Variants in ZNF19 observed in about 807,000 individuals in gnomAD.
The protein encoded by ZNF19 is zinc finger protein 19 (KOX 12).
A neutral mutation model predicts 13.1 loss-of-function variants in ZNF19; 11 were observed. The observed-to-expected ratio is 0.84, with a 90% CI of 0.53 to 1.39. ZNF19 has a LOEUF of 1.39. ZNF19 is among the 40% of genes most tolerant of loss of function. The pLI, the probability that ZNF19 is intolerant of heterozygous loss-of-function variation, is 0.00. For missense variants in ZNF19, 560 were observed against 547.0 expected (o/e 1.02, Z -0.24); for synonymous variants, 186 against 187.0 (o/e 0.99, Z 0.04).
At chr16:71,476,351 G>A (rs1482443376) in intron 5 of ZNF19, 79 bp from the exon 6 acceptor site, 16 of 1,426,906 alleles carry the variant, frequency 1.1e-5, no homozygotes, top group Admixed American at 2.5e-5. Context: ...AAATGATAAG[G>A]CTTTAAAAGA....
At chr16:71,482,341 G>A (rs1297263224) in intron 2 of ZNF19, 198 bp from the exon 3 acceptor site, 1 of 566,854 alleles carries the variant, frequency 1.8e-6, no homozygotes, top group African/African-American at 1.9e-5. Context: ...GAAAGAATAA[G>A]TAACTTGTCC....
chr16:71,484,954 T>C (rs1435369101), intron 1 of ZNF19, among the ~76,000 whole-genome samples: 1 of 152,200 alleles, frequency 6.6e-6, no homozygotes, highest in African/African-American at 2.4e-5. Context: ...AAATTGTCCT[T>C]GTTGTTATCG....
intron 5 of ZNF19, 51 bp downstream of exon 5, chr16:71,478,177 C>T (rs906166246): frequency 1.6e-6 from 2 of 1,215,688 alleles, no homozygotes; most frequent in Non-Finnish European, 2.4e-6. Flanking sequence ...TTTTAAAATA[C>T]AGTGCTCCAT....
At position 71,482,157 on chromosome 16, in the gene ZNF19, CAGAG is replaced by C. The variant is rs756903792; in HGVS notation, c.-29-18_-29-15del. ...AGCAGGCAAAGGCTGAGGGAAGAAACAGAGAGAACCAACAGTGAGCTCAGCCCAG... is the reference window on the plus strand; with the variant it reads ...AGCAGGCAAAGGCTGAGGGAAGAAACAGAACCAACAGTGAGCTCAGCCCAG... On this transcript the variant is annotated splice_polypyrimidine_tract_variant and intron_variant, in intron 2 of 5. Transcript: ENST00000288177. The C allele has an allele frequency of 2.5e-6, 4 of 1,612,940 alleles. No individual in the cohort carries two copies. Among genetic ancestry groups the C allele is most frequent in the Non-Finnish European group, 3.4e-6 (4 of 1,179,512 alleles).
chr16:71,476,428 C>T (rs532065953), intron 5 of ZNF19, among the ~76,000 whole-genome samples, 156 bp from the exon 6 acceptor site: 36 of 152,334 alleles, frequency 2.4e-4, no homozygotes, highest in African/African-American at 7.9e-4. Context: ...TGCCAAATAT[C>T]ACACAGGCAG....
In ZNF19 at chr16:71,478,916, A is replaced by ACTT. The variant is rs759636502; in HGVS notation, c.120_122dup (p.Arg40dup). ...GGTTCCCAAAATTCTCCAACATCAC[A>ACTT]CTTCTGTACAGGGCCCTCTGGGCAG... On this transcript the variant is annotated inframe_insertion, in exon 4 of 6. Coordinates refer to ENST00000288177, the MANE Select transcript of ZNF19 (RefSeq NM_006961.4). 2 of 1,614,104 alleles carry ACTT rather than the reference A, an allele frequency of 1.2e-6. No homozygotes were observed. Among genetic ancestry groups the ACTT allele is most frequent in the East Asian group, 2.2e-5 (1 of 44,886 alleles).
chr16:71,476,349 AG>A (rs1202620404), intron 5 of ZNF19, 77 bp from the exon 6 acceptor site: 3 of 1,429,240 alleles, frequency 2.1e-6, no homozygotes, highest in Non-Finnish European at 1.9e-6. Flanking sequence ...GAAAATGATA[AG>A]GCTTTAAAAG....
chr16:71,484,440 C>G, intron 2 of ZNF19, 149 bp downstream of exon 2: 2 of 889,100 alleles, frequency 2.2e-6, no homozygotes, highest in South Asian at 5.2e-5. Context: ...AGACCGGGAC[C>G]GGCCCGCGAG....
chr16:71,489,254 G>A lies in ZNF19; in HGVS notation c.-190+18C>T. On this transcript the variant is annotated intron_variant, in intron 1 of 5. Coordinates refer to ENST00000288177, the MANE Select transcript of ZNF19 (RefSeq NM_006961.4). The stretch of plus-strand genomic sequence containing the variant: ...CAACCCAAGCTCCGCCCAACTGTGG[G>A]TCCTTGCACTTTGGCACCTTTGAGC... 1 of 985,602 alleles carries A rather than the reference G, an allele frequency of 1.0e-6. No homozygotes were observed. The allele number at this position is 985,602 out of a possible 1,614,324, so 61.1% of individuals were successfully genotyped here.
chr16:71,476,116 A>G lies in ZNF19; in HGVS notation c.431T>C (p.Val144Ala). Residue 144 changes from valine (V) to alanine (A), a missense_variant, in exon 6 of 6, where the codon GTG becomes GCG. Val to Ala is a moderately conservative substitution (Grantham distance 64). Coordinates refer to ENST00000288177, the MANE Select transcript of ZNF19 (RefSeq NM_006961.4). ...NVEKHQDIPT[V>A]KNIQGKVPRI... Reference sequence around the variant, plus strand: ...TGGAACCTTTCCTTGGATATTTTTCACTGTGGGGATGTCCTGGTGCTTTTC... The same window carrying G: ...TGGAACCTTTCCTTGGATATTTTTCGCTGTGGGGATGTCCTGGTGCTTTTC... The G allele has an allele frequency of 6.2e-7, 1 of 1,614,170 alleles. No homozygotes were observed. Among genetic ancestry groups the G allele is most frequent in the Non-Finnish European group, 8.5e-7 (1 of 1,180,026 alleles).
intron 5 of ZNF19, among the ~76,000 whole-genome samples, chr16:71,477,203 A>T (rs2043608310): frequency 6.6e-6 from 1 of 152,208 alleles, no homozygotes. Flanking sequence ...GAGTTAAAGG[A>T]GTAAGGGAAC....
At chr16:71,478,694 C>T (rs186373336) in intron 4 of ZNF19, 185 bp downstream of exon 4, 7 of 804,436 alleles carry the variant, frequency 8.7e-6, no homozygotes, top group African/African-American at 1.7e-5. Flanking sequence ...ACCAAAGTGA[C>T]CCAAGACCTC....
At chr16:71,485,265 C>T (rs542742902) in intron 1 of ZNF19, among the ~76,000 whole-genome samples, 2 of 152,022 alleles carry the variant, frequency 1.3e-5, no homozygotes, top group African/African-American at 4.8e-5. Context: ...GCCTGGTCAA[C>T]GTGGTGAAAC....
In ZNF19 at chr16:71,475,795, CCA is replaced by C; in HGVS notation, c.750_751del (p.Cys250TrpfsTer3). On this transcript the variant is annotated frameshift_variant, in exon 6 of 6. Coordinates refer to ENST00000288177, the MANE Select transcript of ZNF19 (RefSeq NM_006961.4). LOFTEE classifies it low-confidence loss of function (END_TRUNC). ...CTCGGAACTACTCGTGAAACTATTC[CCA>C]CACTCTGTACAGTAATAGGGTCTGT... 1 of 1,612,766 alleles carries C rather than the reference CCA, an allele frequency of 6.2e-7. No individual in the cohort carries two copies. Among genetic ancestry groups the C allele is most frequent in the South Asian group, 1.1e-5 (1 of 91,014 alleles).
At position 71,474,516 on chromosome 16, in the gene ZNF19, T is replaced by C. The variant is rs1293493532; in HGVS notation, c.*654A>G. 4 of 152,298 alleles carry C rather than the reference T, an allele frequency of 2.6e-5. No homozygotes were observed. Among genetic ancestry groups the C allele is most frequent in the African/African-American group, 7.2e-5 (3 of 41,462 alleles). 9.4% of individuals were successfully genotyped at this position (152,298 alleles called of 1,614,324 possible). A position where few individuals can be genotyped will look rare whatever the true frequency, so the allele number is the denominator to read the frequency against. ...AGTTGTTAGAACTTCTATCTACTAG[T>C]GGTGTCTGATATAACCTGGGCTCTC... On this transcript the variant is annotated 3_prime_UTR_variant, in exon 6 of 6. Transcript: ENST00000288177.
At chr16:71,478,769 C>G (rs1237629544) in intron 4 of ZNF19, 110 bp downstream of exon 4, 1 of 1,438,056 alleles carries the variant, frequency 7.0e-7, no homozygotes, top group Non-Finnish European at 9.4e-7. Context: ...CAGTGGAGGA[C>G]ACAAGAGACA....
intron 3 of ZNF19, among the ~76,000 whole-genome samples, chr16:71,481,235 A>T (rs1447175605): frequency 1.3e-5 from 2 of 152,224 alleles, no homozygotes; most frequent in Admixed American, 1.3e-4. Flanking sequence ...GGAAGCTGAT[A>T]TATCAGTGAC....
chr16:71,483,782 C>A (rs991268892), intron 2 of ZNF19, among the ~76,000 whole-genome samples: 1 of 152,214 alleles, frequency 6.6e-6, no homozygotes, highest in Non-Finnish European at 1.5e-5. Flanking sequence ...GTGTGACACA[C>A]AACAGATGAA....
At position 71,484,705 on chromosome 16, in the gene ZNF19, G is replaced by C; in HGVS notation, c.-146C>G. On this transcript the variant is annotated 5_prime_UTR_variant, in exon 2 of 6. Transcript: ENST00000288177. ...GAGCGGTCTTCTCAGTGGTTGTGTG[G>C]TTTTACTCCCGGGAGGAGTTTCCAC... The C allele has an allele frequency of 1.0e-6, 1 of 985,420 alleles. No individual in the cohort carries two copies. The highest frequency in any genetic ancestry group is 1.2e-6 in the Non-Finnish European group (1 of 829,926). The allele number at this position is 985,420 out of a possible 1,614,324, so 61.0% of individuals were successfully genotyped here.
Sources: gnomAD v4.1 joint callset for allele counts (sites outside exome capture counted in the v4.1 genomes callset) on GRCh38, gnomAD v4.1.1 for gene constraint, MANE v1.5 for transcripts, NCBI Gene and HGNC (gene_info 2026-07-23, HGNC 2026-07-21) for gene names.